HS3ST3A1: variants seen among roughly 807,000 people sequenced by gnomAD.
HS3ST3A1 encodes the protein heparan sulfate-glucosamine 3-sulfotransferase 3A1, also known as heparan sulfate glucosamine 3-O-sulfotransferase 3A1.
In HS3ST3A1, 19 loss-of-function variants were observed where a neutral mutation model predicts 25.7. The observed-to-expected ratio is 0.74, with a 90% CI of 0.52 to 1.08. The LOEUF is 1.08. Ranked by LOEUF, HS3ST3A1 falls within the 50% of genes least tolerant of loss-of-function variation. The probability of loss-of-function intolerance (pLI) is 0.00; values close to 1 mark genes in which losing one functional copy is unlikely to be tolerated. For missense variants in HS3ST3A1, 459 were observed against 594.3 expected, an observed-to-expected ratio of 0.77 and a Z score of 2.37; for synonymous variants, 226 against 278.6, an observed-to-expected ratio of 0.81 and a Z score of 1.88.
chr17:13,569,306 T>A (rs759796199), intron 1 of HS3ST3A1, among the ~76,000 whole-genome samples: 48 of 152,222 alleles, frequency 3.2e-4, no homozygotes, highest in Non-Finnish European at 6.3e-4. Context: ...TATGCAGCGT[T>A]CTTTTGTGTT....
intron 1 of HS3ST3A1, among the ~76,000 whole-genome samples, chr17:13,590,410 C>G (rs1908393962): frequency 6.6e-6 from 1 of 151,262 alleles, no homozygotes; most frequent in Non-Finnish European, 1.5e-5. Flanking sequence ...CAAAACTAAA[C>G]TTACATTTGT....
chr17:13,507,031 C>T lies in HS3ST3A1; in HGVS notation c.600-10213G>A, dbSNP rs551670762. Among the ~76,000 whole-genome samples, 6 of 147,506 alleles carry T rather than the reference C, an allele frequency of 4.1e-5. No homozygotes were observed. In the South Asian group the frequency reaches 1.1e-3, roughly 27 times the overall value. On this transcript the variant is annotated intron_variant, in intron 1 of 1. Coordinates refer to ENST00000284110, the MANE Select transcript of HS3ST3A1 (RefSeq NM_006042.3). The stretch of plus-strand genomic sequence containing the variant: ...TTGCAGTGAGCCAAGATTGCGCCAC[C>T]ACACTCCAGCCAGGGTGACAAAGCT...
At chr17:13,526,002 A>T (rs1420278820) in intron 1 of HS3ST3A1, among the ~76,000 whole-genome samples, 3 of 152,094 alleles carry the variant, frequency 2.0e-5, no homozygotes, top group Non-Finnish European at 4.4e-5. Flanking sequence ...CCCCAGCTGT[A>T]CTTGACATGA....
Position 13,502,453 on chromosome 17 carries a change from A to G in HS3ST3A1, c.600-5635T>C, listed in dbSNP as rs974200687. ...AGAGCTCTCCATGACACTCAACAAC[A>G]CATATGCATGGTGCATCCGATATAT... On this transcript the variant is annotated intron_variant, in intron 1 of 1. Coordinates refer to ENST00000284110, the MANE Select transcript of HS3ST3A1 (RefSeq NM_006042.3). 1.3e-5 allele frequency among the ~76,000 whole-genome samples: 2 copies of G among 152,194 alleles called. 1 individual carries two copies. The highest frequency in any genetic ancestry group is 1.3e-4 in the Admixed American group (2 of 15,286).
At chr17:13,509,073 A>G (rs576045889) in intron 1 of HS3ST3A1, among the ~76,000 whole-genome samples, 1 of 152,176 alleles carries the variant, frequency 6.6e-6, no homozygotes, top group African/African-American at 2.4e-5. Flanking sequence ...TTGAGAAAAA[A>G]GGAAGTACTT....
intron 1 of HS3ST3A1, among the ~76,000 whole-genome samples, chr17:13,553,430 C>T (rs144279185): frequency 6.6e-6 from 1 of 152,296 alleles, no homozygotes; most frequent in African/African-American, 2.4e-5. Flanking sequence ...CTTTAAATAA[C>T]AGCATCATTA....
chr17:13,580,785 G>A (rs1841222007), intron 1 of HS3ST3A1, among the ~76,000 whole-genome samples: 1 of 152,140 alleles, frequency 6.6e-6, no homozygotes, highest in South Asian at 2.1e-4. Context: ...CAGCTACTCG[G>A]GAGGCTGAGG....
At chr17:13,593,088 A>G (rs1329967016) in intron 1 of HS3ST3A1, among the ~76,000 whole-genome samples, 1 of 152,212 alleles carries the variant, frequency 6.6e-6, no homozygotes, top group African/African-American at 2.4e-5. Context: ...CAAGCGAAGT[A>G]AGCAGATAAA....
chr17:13,505,096 G>A (rs546472734), intron 1 of HS3ST3A1, among the ~76,000 whole-genome samples: 1 of 152,224 alleles, frequency 6.6e-6, no homozygotes, highest in Non-Finnish European at 1.5e-5. Context: ...TGAGCAGTAT[G>A]CTGACATGTT....
chr17:13,526,106 C>A (rs564999263), intron 1 of HS3ST3A1, among the ~76,000 whole-genome samples: 21 of 151,978 alleles, frequency 1.4e-4, no homozygotes, highest in African/African-American at 4.8e-4. Context: ...CTTGGCGTCT[C>A]CACAGGGCAG....
intron 1 of HS3ST3A1, among the ~76,000 whole-genome samples, chr17:13,591,019 T>C (rs1288253255): frequency 6.6e-6 from 1 of 151,588 alleles, no homozygotes; most frequent in East Asian, 1.9e-4. Flanking sequence ...CAAGCGTCCT[T>C]CTGATTACAT....
chr17:13,528,090 T>C (rs577586190), intron 1 of HS3ST3A1, among the ~76,000 whole-genome samples: 4 of 152,238 alleles, frequency 2.6e-5, no homozygotes, highest in African/African-American at 9.6e-5. Context: ...TGGATTCTGA[T>C]TTGGGATCCA....
intron 1 of HS3ST3A1, among the ~76,000 whole-genome samples, chr17:13,509,612 G>C (rs374377674): frequency 4.6e-5 from 7 of 152,130 alleles, no homozygotes; most frequent in Admixed American, 3.9e-4. Context: ...GAGATTGATA[G>C]GTTACAAGGA....
At chr17:13,529,340 G>A (rs4555186) in intron 1 of HS3ST3A1, among the ~76,000 whole-genome samples, 2 of 152,036 alleles carry the variant, frequency 1.3e-5, no homozygotes, top group South Asian at 4.1e-4. Context: ...TTCAAGAGAA[G>A]AAAAAGACAT....
chr17:13,514,687 T>C, intron 1 of HS3ST3A1, among the ~76,000 whole-genome samples: 1 of 152,132 alleles, frequency 6.6e-6, no homozygotes, highest in East Asian at 1.9e-4. Context: ...TGTTTATAGG[T>C]ATGGCGTTTC....
chr17:13,500,019 A>G (rs1466285216), intron 1 of HS3ST3A1, among the ~76,000 whole-genome samples: 2 of 152,224 alleles, frequency 1.3e-5, no homozygotes, highest in African/African-American at 4.8e-5. Context: ...TTAAATTGCA[A>G]TCTTAAATTA....
chr17:13,510,995 G>A (rs1170601534), intron 1 of HS3ST3A1, among the ~76,000 whole-genome samples: 1 of 152,116 alleles, frequency 6.6e-6, no homozygotes, highest in Admixed American at 6.5e-5. Context: ...CATGAAATGA[G>A]GCATGCAGAC....
At chr17:13,582,771 T>C (rs1250338945) in intron 1 of HS3ST3A1, among the ~76,000 whole-genome samples, 1 of 152,250 alleles carries the variant, frequency 6.6e-6, no homozygotes, top group African/African-American at 2.4e-5. Flanking sequence ...CTATCAGAAA[T>C]CATATTTAAA....
intron 1 of HS3ST3A1, among the ~76,000 whole-genome samples, chr17:13,572,914 TCCGCCACAAGACCTTGCTTATTTAACAG>T (rs1456580473): frequency 6.6e-6 from 1 of 152,198 alleles, no homozygotes; most frequent in Non-Finnish European, 1.5e-5. Context: ...ATGACCCTTT[TCCGCCACAAGACCTTGCTTATTTAACAG>T]CCTGATCCCA....
Sources: allele counts gnomAD v4.1 joint callset (sites outside exome capture counted in the v4.1 genomes callset), GRCh38; gene constraint gnomAD v4.1.1; transcripts MANE v1.5; gene names NCBI Gene and HGNC (gene_info 2026-07-23, HGNC 2026-07-21).